Variants in TIAM2 observed in about 807,000 individuals in gnomAD.
The protein encoded by TIAM2 is TIAM Rac1 associated GEF 2, also known as rho guanine nucleotide exchange factor TIAM2.
TIAM2 carries 80 observed loss-of-function variants against 152.9 expected under a neutral mutation model. The observed-to-expected ratio is 0.52, with a 90% CI of 0.44 to 0.63. TIAM2 has a LOEUF of 0.63. Ranked by LOEUF, TIAM2 falls within the 30% of genes least tolerant of loss-of-function variation. The pLI is 0.00. For missense variants in TIAM2, 1,965 were observed against 2,120.1 expected (o/e 0.93, Z 1.44); for synonymous variants, 804 against 838.0 (o/e 0.96, Z 0.70).
chr6:155,112,022 T>C (rs1219900396), intron 2 of TIAM2, among the ~76,000 whole-genome samples: 1 of 152,148 alleles, frequency 6.6e-6, no homozygotes, highest in South Asian at 2.1e-4. Context: ...TTGTTCTAGG[T>C]TTTTGTTATT....
At chr6:155,112,063 G>A (rs1778865862) in intron 2 of TIAM2, among the ~76,000 whole-genome samples, 1 of 151,256 alleles carries the variant, frequency 6.6e-6, no homozygotes, top group Non-Finnish European at 1.5e-5. Context: ...TGGTTGCTCA[G>A]TCTTCTCCCT....
chr6:155,011,597 C>T (rs1778490369), intron 1 of TIAM2, among the ~76,000 whole-genome samples: 1 of 152,196 alleles, frequency 6.6e-6, no homozygotes, highest in African/African-American at 2.4e-5. Context: ...TGCCCTGTGA[C>T]TGGTATATAA....
intron 1 of TIAM2, among the ~76,000 whole-genome samples, chr6:155,025,763 A>T (rs947136913): frequency 2.0e-5 from 3 of 151,844 alleles, no homozygotes; most frequent in African/African-American, 4.8e-5. Flanking sequence ...AATCACATTT[A>T]AAAAAATAGA....
chr6:155,021,425 C>T (rs759367135), intron 1 of TIAM2, among the ~76,000 whole-genome samples: 2 of 152,058 alleles, frequency 1.3e-5, no homozygotes, highest in African/African-American at 4.8e-5. Context: ...CCGTGCCCGG[C>T]TAGTTTTTAT....
chr6:155,256,986 G>A lies in TIAM2; in HGVS notation c.4971G>A (p.Gln1657=). The change falls in exon 27 of 27, where the codon CAG becomes CAA. Residue 1657 remains glutamine (Q), a synonymous_variant. Coordinates refer to ENST00000682666, the MANE Select transcript of TIAM2 (RefSeq NM_012454.4). ...TGCTCAAGGCGCAGATCCGTCACCA[G>A]TCCCTTGACAGTCAGTCTGAAAATG... The part of the protein sequence containing the change: ...GTLLKAQIRH[Q]SLDSQSENAT... 6.2e-7 allele frequency: 1 copy of A among 1,614,192 alleles called. No individual in the cohort carries two copies. The highest frequency in any genetic ancestry group is 1.6e-4 in the Middle Eastern group (1 of 6,062).
chr6:155,238,170 A>G (rs1782867254), intron 15 of TIAM2, among the ~76,000 whole-genome samples: 1 of 152,226 alleles, frequency 6.6e-6, no homozygotes, highest in Non-Finnish European at 1.5e-5. Flanking sequence ...ACAGATCTCT[A>G]GGGCAGGGGC....
At chr6:155,047,677 AGAGAGAGAGAG>A (rs1481170850) in intron 1 of TIAM2, among the ~76,000 whole-genome samples, 14 of 51,578 alleles carry the variant, frequency 2.7e-4, no homozygotes, top group Non-Finnish European at 6.2e-4. Context: ...GGAGAGAGAG[AGAGAGAGAGAG>A]GAGAGAGAGA....
intron 20 of TIAM2, 144 bp from the exon 21 acceptor site, chr6:155,249,707 G>C (rs1783537255): frequency 3.4e-6 from 2 of 585,548 alleles, no homozygotes; most frequent in East Asian, 6.0e-5. Context: ...GTGGGCTGTT[G>C]TGACTTATTC....
chr6:155,202,994 A>T (rs1781511337), intron 14 of TIAM2, among the ~76,000 whole-genome samples: 1 of 141,652 alleles, frequency 7.1e-6, no homozygotes, highest in Non-Finnish European at 1.5e-5. Flanking sequence ...GGTCGCAGTG[A>T]GCTGAGTTCA....
At chr6:155,082,665 CCAATAAATAAATAAAT>C (rs1778090871) in intron 1 of TIAM2, among the ~76,000 whole-genome samples, 2 of 93,400 alleles carry the variant, frequency 2.1e-5, no homozygotes, top group Admixed American at 1.9e-4. Flanking sequence ...CAAAAAAACC[CCAATAAATAAATAAAT>C]AAATAAATAA....
chr6:155,011,112 G>A (rs1778482159), intron 1 of TIAM2, among the ~76,000 whole-genome samples: 1 of 151,858 alleles, frequency 6.6e-6, no homozygotes, highest in African/African-American at 2.4e-5. Context: ...TGAGTCCTCT[G>A]TAACATGGAA....
At chr6:155,018,286 T>G (rs1486132619) in intron 1 of TIAM2, among the ~76,000 whole-genome samples, 2 of 145,148 alleles carry the variant, frequency 1.4e-5, no homozygotes, top group Non-Finnish European at 1.5e-5. Flanking sequence ...TATATATGTA[T>G]GTATATATAA....
chr6:155,166,346 T>C (rs1780436203), intron 9 of TIAM2, among the ~76,000 whole-genome samples: 1 of 151,214 alleles, frequency 6.6e-6, no homozygotes, highest in Non-Finnish European at 1.5e-5. Flanking sequence ...TTTTTTGAGA[T>C]GGAGTCTTGC....
At chr6:155,002,775 G>C (rs1184929688) in intron 1 of TIAM2, among the ~76,000 whole-genome samples, 1 of 151,794 alleles carries the variant, frequency 6.6e-6, no homozygotes, top group Non-Finnish European at 1.5e-5. Context: ...CTGCCTCCAG[G>C]GTTCGAGCAG....
Position 155,182,378 on chromosome 6 carries a change from G to A in TIAM2, c.2800+60G>A, listed in dbSNP as rs573551401. The A allele has an allele frequency of 1.7e-5, 23 of 1,355,168 alleles. No homozygotes were observed. In the East Asian group the frequency reaches 2.3e-4, roughly 14 times the overall value. The allele number at this position is 1,355,168 out of a possible 1,614,324, so 83.9% of individuals were successfully genotyped here. A position where few individuals can be genotyped will look rare whatever the true frequency, so the allele number is the denominator to read the frequency against. ...AATTTGAAACTGTGGGATACAGTCT[G>A]GCTAGTGAATGTTTCTTCTTACAGT... On this transcript the variant is annotated intron_variant, in intron 13 of 26. Transcript: ENST00000682666.
At chr6:155,192,631 C>T (rs1781233714) in intron 14 of TIAM2, among the ~76,000 whole-genome samples, 1 of 130,672 alleles carries the variant, frequency 7.7e-6, no homozygotes, top group Non-Finnish European at 1.6e-5. Flanking sequence ...TGAAATGTCT[C>T]CTCAAACCAA....
At chr6:155,178,835 A>G (rs1393315187) in intron 10 of TIAM2, among the ~76,000 whole-genome samples, 1 of 152,154 alleles carries the variant, frequency 6.6e-6, no homozygotes, top group Admixed American at 6.5e-5. Flanking sequence ...TTGGCCTCCC[A>G]AAGTGCTGGG....
chr6:155,238,856 C>T (rs183738626), intron 15 of TIAM2, among the ~76,000 whole-genome samples: 2 of 152,292 alleles, frequency 1.3e-5, no homozygotes, highest in African/African-American at 4.8e-5. Context: ...GAAAAGCAGG[C>T]CCTCAATTGA....
intron 1 of TIAM2, among the ~76,000 whole-genome samples, chr6:155,052,834 C>G (rs982803352): frequency 1.3e-5 from 2 of 151,642 alleles, no homozygotes; most frequent in Admixed American, 6.6e-5. Flanking sequence ...AAAATCTCTC[C>G]TCTCTGCAAT....
Sources: gnomAD v4.1 joint callset for allele counts (sites outside exome capture counted in the v4.1 genomes callset) on GRCh38, gnomAD v4.1.1 for gene constraint, MANE v1.5 for transcripts, NCBI Gene and HGNC (gene_info 2026-07-23, HGNC 2026-07-21) for gene names.